Variants in PCSK6 observed in about 807,000 individuals in gnomAD.
PCSK6 encodes paired basic amino acid cleaving enzyme 4.
Under a neutral mutation model 123.3 loss-of-function variants are expected in PCSK6, and 85 were observed. That is an observed-to-expected ratio of 0.69 (90% confidence interval 0.58 to 0.83). The LOEUF (loss-of-function observed/expected upper bound fraction) is 0.83, where lower values mean the gene tolerates loss of function less well. PCSK6 is among the 40% of genes least tolerant of loss of function. The probability of loss-of-function intolerance (pLI) is 0.00; values close to 1 mark genes in which losing one functional copy is unlikely to be tolerated. For synonymous variants in PCSK6, 508 were observed against 516.0 expected (o/e 0.98, Z 0.21); for missense variants, 1,191 against 1,282.3 (o/e 0.93, Z 1.09).
At chr15:101,356,881 A>G (rs555667571) in intron 13 of PCSK6, among the ~76,000 whole-genome samples, 1 of 152,278 alleles carries the variant, frequency 6.6e-6, no homozygotes, top group Admixed American at 6.5e-5. Flanking sequence ...GAAGAGGAAA[A>G]TGGATGACTG....
chr15:101,416,933 G>A (rs1447920006), intron 6 of PCSK6, among the ~76,000 whole-genome samples: 1 of 152,238 alleles, frequency 6.6e-6, no homozygotes, highest in Non-Finnish European at 1.5e-5. Context: ...AAGAACCTCT[G>A]CTAGGGCAGT....
At chr15:101,312,961 C>T in intron 20 of PCSK6, 1 of 1,014,688 alleles carries the variant, frequency 9.9e-7, no homozygotes, top group Non-Finnish European at 1.2e-6. Context: ...GCTGAGGTCA[C>T]ACCAGTGCAC....
chr15:101,326,302 A>G (rs1426466190), intron 16 of PCSK6, 75 bp downstream of exon 16: 3 of 1,128,996 alleles, frequency 2.7e-6, no homozygotes, highest in Non-Finnish European at 2.6e-6. Flanking sequence ...CTGGGGCATC[A>G]GGACATGGAG....
chr15:101,322,346 C>T (rs761880109), intron 18 of PCSK6, among the ~76,000 whole-genome samples, 174 bp downstream of exon 18: 25 of 152,214 alleles, frequency 1.6e-4, no homozygotes, highest in Non-Finnish European at 3.1e-4. Context: ...CCCATCCTCT[C>T]CCTTTCCATC....
At chr15:101,428,440 T>A (rs944260683) in intron 5 of PCSK6, among the ~76,000 whole-genome samples, 10 of 152,196 alleles carry the variant, frequency 6.6e-5, no homozygotes, top group African/African-American at 2.4e-4. Flanking sequence ...TGATGTCACC[T>A]GCCTCATCCC....
At chr15:101,394,177 G>A (rs562896743) in intron 7 of PCSK6, among the ~76,000 whole-genome samples, 31 of 141,388 alleles carry the variant, frequency 2.2e-4, no homozygotes, top group South Asian at 1.1e-3. Flanking sequence ...GTCTTGCTAC[G>A]TTACCCAGGC....
intron 2 of PCSK6, among the ~76,000 whole-genome samples, chr15:101,440,861 G>A (rs151003298): frequency 6.6e-6 from 1 of 152,326 alleles, no homozygotes; most frequent in Non-Finnish European, 1.5e-5. Context: ...ATATTAGTCA[G>A]ACTGACAGCT....
intron 1 of PCSK6, among the ~76,000 whole-genome samples, chr15:101,446,522 A>C (rs12101632): frequency 0.015 from 2,302 of 152,062 alleles, 44 homozygotes; most frequent in African/African-American, 0.053. Flanking sequence ...TTTTTTGATA[A>C]ATTTTCTTGG....
chr15:101,489,364 C>A lies in PCSK6; in HGVS notation c.297+10G>T. 8.5e-7 allele frequency: 1 copy of A among 1,174,822 alleles called. No individual in the cohort carries two copies. The highest frequency in any genetic ancestry group is 1.1e-6 in the Non-Finnish European group (1 of 947,344). 72.8% of individuals were successfully genotyped at this position (1,174,822 alleles called of 1,614,324 possible). A position where few individuals can be genotyped will look rare whatever the true frequency, so the allele number is the denominator to read the frequency against. On this transcript the variant is annotated intron_variant, in intron 1 of 21. Coordinates refer to ENST00000611716, the MANE Select transcript of PCSK6 (RefSeq NM_002570.5). Reference sequence around the variant, plus strand: ...GAAAGTTTTGGGCGCGCGGGGCCGGCCGCACTCACCTGGCCCAAGTTGAGG... The same window carrying A: ...GAAAGTTTTGGGCGCGCGGGGCCGGACGCACTCACCTGGCCCAAGTTGAGG...
intron 1 of PCSK6, among the ~76,000 whole-genome samples, chr15:101,484,007 G>A (rs2057957198): frequency 6.6e-6 from 1 of 152,240 alleles, no homozygotes; most frequent in East Asian, 1.9e-4. Flanking sequence ...ATGTGTATCT[G>A]TGTATATGTC....
rs565263764 is a variant in PCSK6 at position 101,427,883 on chromosome 15, C to T, written c.823+9G>A. 42 of 1,557,168 alleles carry T rather than the reference C, an allele frequency of 2.7e-5. 1 individual carries two copies. The South Asian group carries it at 3.3e-4, about 12-fold the overall frequency. The stretch of plus-strand genomic sequence containing the variant: ...CCCTCGGCTCGCAGGCTGCCACGCC[C>T]GGCCTTACCTCCTATTTTGGCATTG... On this transcript the variant is annotated intron_variant, in intron 6 of 21. Coordinates refer to ENST00000611716, the MANE Select transcript of PCSK6 (RefSeq NM_002570.5).
At chr15:101,359,512 T>C (rs1264957470) in intron 13 of PCSK6, among the ~76,000 whole-genome samples, 1 of 152,218 alleles carries the variant, frequency 6.6e-6, no homozygotes, top group East Asian at 1.9e-4. Context: ...CAACACCTAT[T>C]GGGCACCTAT....
At chr15:101,446,261 T>C (rs1441145721) in intron 1 of PCSK6, among the ~76,000 whole-genome samples, 1 of 152,268 alleles carries the variant, frequency 6.6e-6, no homozygotes, top group African/African-American at 2.4e-5. Context: ...TCGTCCTCTG[T>C]GACTGGCTTA....
At chr15:101,317,997 A>G (rs2040031521) in intron 19 of PCSK6, among the ~76,000 whole-genome samples, 1 of 152,220 alleles carries the variant, frequency 6.6e-6, no homozygotes, top group Admixed American at 6.5e-5. Context: ...TGCAATGTAC[A>G]TAAAATCTAC....
rs374699148 is a variant in PCSK6 at position 101,446,272 on chromosome 15, T to C, written c.298-2612A>G. Among the ~76,000 whole-genome samples the C allele has an allele frequency of 9.2e-5, 14 of 152,398 alleles. 1 individual carries two copies. Among genetic ancestry groups the C allele is most frequent in the Admixed American group, 7.8e-4 (12 of 15,308 alleles). On this transcript the variant is annotated intron_variant, in intron 1 of 21. Transcript: ENST00000611716. ...ACATTCGTCCTCTGTGACTGGCTTA[T>C]GTCATTCAGCATAATGTGCTCATGT...
chr15:101,359,999 C>G (rs370808988), intron 13 of PCSK6, among the ~76,000 whole-genome samples: 14 of 152,260 alleles, frequency 9.2e-5, no homozygotes, highest in African/African-American at 3.4e-4. Context: ...TCTTCCCCCC[C>G]TGCAATGTTC....
At chr15:101,315,836 C>G (rs1012237347) in intron 19 of PCSK6, among the ~76,000 whole-genome samples, 1 of 152,336 alleles carries the variant, frequency 6.6e-6, no homozygotes, top group East Asian at 1.9e-4. Context: ...CCAGCAGCCC[C>G]GAAGGATTAC....
At chr15:101,428,318 A>G (rs911468946) in intron 5 of PCSK6, among the ~76,000 whole-genome samples, 37 of 152,226 alleles carry the variant, frequency 2.4e-4, no homozygotes, top group African/African-American at 8.2e-4. Flanking sequence ...TAATTGGCAC[A>G]TGGCCACTGC....
intron 19 of PCSK6, among the ~76,000 whole-genome samples, chr15:101,315,503 G>GC (rs986005396): frequency 3.9e-5 from 6 of 152,230 alleles, no homozygotes; most frequent in Non-Finnish European, 8.8e-5. Context: ...TATGTTGTTT[G>GC]CGGGGCCCAG....
Sources: allele counts gnomAD v4.1 joint callset (sites outside exome capture counted in the v4.1 genomes callset), GRCh38; gene constraint gnomAD v4.1.1; transcripts MANE v1.5; gene names NCBI Gene and HGNC (gene_info 2026-07-23, HGNC 2026-07-21).